ITSN1: variants seen among roughly 807,000 people sequenced by gnomAD.
ITSN1 encodes intersectin-1.
In ITSN1, 58 loss-of-function variants were observed where a neutral mutation model predicts 239.8. The observed-to-expected ratio is 0.24, with a 90% CI of 0.20 to 0.30. The LOEUF (loss-of-function observed/expected upper bound fraction) is 0.30. Ranked by LOEUF, ITSN1 falls within the 10% of genes least tolerant of loss-of-function variation. The pLI, the probability that ITSN1 is intolerant of heterozygous loss-of-function variation, is 1.00. For missense variants in ITSN1, 1,558 were observed against 2,103.3 expected, an observed-to-expected ratio of 0.74 and a Z score of 5.07; for synonymous variants, 780 against 770.8, an observed-to-expected ratio of 1.01 and a Z score of -0.20.
At chr21:33,867,693 G>C (rs1183697216) in intron 33 of ITSN1, among the ~76,000 whole-genome samples, 5 of 151,868 alleles carry the variant, frequency 3.3e-5, no homozygotes, top group Non-Finnish European at 5.9e-5. Flanking sequence ...GTGGGTTCTT[G>C]GTCTCACTGA....
chr21:33,833,382 A>G (rs1402161983), intron 27 of ITSN1, among the ~76,000 whole-genome samples: 1 of 152,222 alleles, frequency 6.6e-6, no homozygotes, highest in Non-Finnish European at 1.5e-5. Context: ...TACTGCATGT[A>G]TGTCATCTTG....
chr21:33,872,130 A>G (rs542142821), intron 33 of ITSN1, among the ~76,000 whole-genome samples: 14 of 152,370 alleles, frequency 9.2e-5, no homozygotes, highest in Non-Finnish European at 1.8e-4. Context: ...AGATGAGCGT[A>G]TATTGAAAAG....
rs369325185 is a variant in ITSN1, at chr21:33,683,663, T to C, written c.-32-35134T>C. ...GAACAGATTGAATTCCTTATAAATA[T>C]GTTACTAAAAGGTACCTTTTGTGTC... On this transcript the variant is annotated intron_variant, in intron 1 of 39. Transcript: ENST00000381318. Among the ~76,000 whole-genome samples, 7 of 152,294 alleles carry C rather than the reference T, an allele frequency of 4.6e-5. No individual in the cohort carries two copies. In the East Asian group the frequency reaches 9.6e-4, roughly 21 times the overall value.
intron 21 of ITSN1, among the ~76,000 whole-genome samples, chr21:33,813,554 T>A (rs915817643): frequency 1.3e-5 from 2 of 152,046 alleles, no homozygotes; most frequent in African/African-American, 4.8e-5. Context: ...GGTTTCACCA[T>A]GTTGGTCAGA....
At chr21:33,847,793 C>T (rs756493466) in intron 29 of ITSN1, among the ~76,000 whole-genome samples, 5 of 152,178 alleles carry the variant, frequency 3.3e-5, no homozygotes, top group East Asian at 1.9e-4. Flanking sequence ...TGGGCCTGGA[C>T]GGATCAGTTT....
chr21:33,735,089 G>A lies in ITSN1; in HGVS notation c.231G>A (p.Glu77=). The A allele has an allele frequency of 6.2e-7, 1 of 1,613,858 alleles. No homozygotes were observed. Among genetic ancestry groups the A allele is most frequent in the Non-Finnish European group, 8.5e-7 (1 of 1,179,908 alleles). The change falls in exon 5 of 40, where the codon GAG becomes GAA. Residue 77 remains glutamate, a synonymous_variant. Transcript: ENST00000381318. ...MNNDGRMDQV[E]FSIAMKLIKL... Reference sequence around the variant, plus strand: ...ATGATGGAAGAATGGATCAAGTGGAGTTTTCCATAGCTATGAAACTTATCA... The same window carrying A: ...ATGATGGAAGAATGGATCAAGTGGAATTTTCCATAGCTATGAAACTTATCA...
At chr21:33,750,457 T>C in intron 6 of ITSN1, 135 bp downstream of exon 6, 1 of 777,174 alleles carries the variant, frequency 1.3e-6, no homozygotes. Flanking sequence ...CTTTATTTTT[T>C]TCACTTGATT....
chr21:33,806,263 A>T (rs1325747546), intron 20 of ITSN1, among the ~76,000 whole-genome samples: 2 of 152,088 alleles, frequency 1.3e-5, no homozygotes, highest in African/African-American at 4.8e-5. Context: ...GAAACCTTAT[A>T]TTTCAAAACC....
rs560541253 is a variant in ITSN1 at position 33,788,332 on chromosome 21, A to G, written c.1825-6009A>G. On this transcript the variant is annotated intron_variant, in intron 16 of 39. Transcript: ENST00000381318. ...CCTTAGCACTTGTGACACATTGACT[A>G]CCATTTTGTGCCATGGGAAATAGTC... 2.0e-5 allele frequency among the ~76,000 whole-genome samples: 3 copies of G among 152,310 alleles called. No individual in the cohort carries two copies. The South Asian group carries it at 6.2e-4, about 32-fold the overall frequency.
At chr21:33,856,895 C>T (rs756324240) in intron 30 of ITSN1, 38 bp downstream of exon 30, 54 of 1,593,492 alleles carry the variant, frequency 3.4e-5, no homozygotes, top group Non-Finnish European at 4.3e-5. Context: ...CGGCAGGGGG[C>T]GATGACGGAG....
Position 33,693,356 on chromosome 21 carries a change from T to G in ITSN1, c.-32-25441T>G, listed in dbSNP as rs564217371. ...TGTTTTGTTTTGTTTTGTTTTGTTT[T>G]TTTTGGTGGGGGGGTGGGGGATGGA... On this transcript the variant is annotated intron_variant, in intron 1 of 39. Transcript: ENST00000381318. Among the ~76,000 whole-genome samples, 809 of 151,724 alleles carry G rather than the reference T, an allele frequency of 5.3e-3. 5 individuals are homozygous for G. Among genetic ancestry groups the G allele is most frequent in the African/African-American group, 0.019 (776 of 41,400 alleles).
chr21:33,802,581 G>T, intron 20 of ITSN1, 137 bp downstream of exon 20: 1 of 789,462 alleles, frequency 1.3e-6, no homozygotes, highest in Non-Finnish European at 2.1e-6. Context: ...CTGTGTAGTA[G>T]GTTGTGCTTT....
Position 33,822,698 on chromosome 21 carries a change from C to T in ITSN1, c.3017-789C>T, listed in dbSNP as rs79942488. Among the ~76,000 whole-genome samples the T allele has an allele frequency of 7.3e-3, 1,108 of 152,194 alleles. 12 individuals carry two copies. Among genetic ancestry groups the T allele is most frequent in the East Asian group, 0.022 (115 of 5,176 alleles). On this transcript the variant is annotated intron_variant, in intron 24 of 39. Transcript: ENST00000381318. ...TTCAAGACACAAAGGAACATTAGTT[C>T]TTATCCTTTAAGACTAAATTACATG...
At chr21:33,837,016 G>A (rs1320452648) in intron 29 of ITSN1, 1 of 1,612,812 alleles carries the variant, frequency 6.2e-7, no homozygotes, top group Non-Finnish European at 8.5e-7. Flanking sequence ...CCCCCCTCAG[G>A]CTTGAAAGTC....
At chr21:33,817,179 G>A (rs1393133632) in intron 22 of ITSN1, 5 of 1,245,576 alleles carry the variant, frequency 4.0e-6, no homozygotes, top group Non-Finnish European at 5.2e-6. Context: ...ATACTGTAAT[G>A]GTTTAATGCT....
chr21:33,761,176 A>G (rs2068296064), intron 8 of ITSN1, among the ~76,000 whole-genome samples: 1 of 151,970 alleles, frequency 6.6e-6, no homozygotes, highest in Admixed American at 6.6e-5. Flanking sequence ...CTGGGGCTCA[A>G]GCGATCCTCC....
At chr21:33,647,422 C>A (rs945399443) in intron 1 of ITSN1, among the ~76,000 whole-genome samples, 1 of 151,626 alleles carries the variant, frequency 6.6e-6, no homozygotes, top group Non-Finnish European at 1.5e-5. Flanking sequence ...GTGTCTTTTC[C>A]TATATATATA....
Position 33,667,549 on chromosome 21 carries a change from G to A in ITSN1, c.-33+24836G>A, listed in dbSNP as rs145939567. Among the ~76,000 whole-genome samples, 549 of 152,236 alleles carry A rather than the reference G, an allele frequency of 3.6e-3. 4 individuals are homozygous for A. The highest frequency in any genetic ancestry group is 0.013 in the African/African-American group (535 of 41,540). On this transcript the variant is annotated intron_variant, in intron 1 of 39. Transcript: ENST00000381318. ...ACCAAAGTGTACTTTTTGGGATGCG[G>A]TAGGTTTCTGGTTTTAAAAAAGGAT...
chr21:33,757,122 A>G (rs1330114616), intron 8 of ITSN1: 1 of 152,196 alleles, frequency 6.6e-6, no homozygotes, highest in Middle Eastern at 3.2e-3. Context: ...GGTTTGTTTG[A>G]CACCAGTGCT....
Sources: gnomAD v4.1 joint callset for allele counts (sites outside exome capture counted in the v4.1 genomes callset) on GRCh38, gnomAD v4.1.1 for gene constraint, MANE v1.5 for transcripts, NCBI Gene and HGNC (gene_info 2026-07-23, HGNC 2026-07-21) for gene names.